CYP2C8: variants seen among roughly 807,000 people sequenced by gnomAD.
The protein encoded by CYP2C8 is cytochrome P450 family 2 subfamily C member 8.
CYP2C8 carries 51 observed loss-of-function variants against 41.3 expected under a neutral mutation model. That is an observed-to-expected ratio of 1.24 (90% CI 0.99 to 1.56). The LOEUF is 1.56. CYP2C8 is among the 40% of genes most tolerant of loss of function. The pLI is 0.00. For synonymous variants in CYP2C8, 218 were observed against 205.8 expected (o/e 1.06, Z -0.51); for missense variants, 651 against 579.9 (o/e 1.12, Z -1.26).
At chr10:95,064,652 G>A in intron 4 of CYP2C8, 148 bp downstream of exon 4, 2 of 791,668 alleles carry the variant, frequency 2.5e-6, no homozygotes, top group Non-Finnish European at 2.0e-6. Flanking sequence ...TTTTGAACAG[G>A]AAATCAAAGG....
intron 4 of CYP2C8, 84 bp from the exon 5 acceptor site, chr10:95,058,595 A>G: frequency 8.2e-7 from 1 of 1,226,906 alleles, no homozygotes; most frequent in Non-Finnish European, 1.2e-6. Flanking sequence ...TTATAACTAT[A>G]AATATGAATA....
At chr10:95,057,472 G>A (rs1484397099) in intron 5 of CYP2C8, among the ~76,000 whole-genome samples, 2 of 151,884 alleles carry the variant, frequency 1.3e-5, no homozygotes, top group African/African-American at 4.8e-5. Flanking sequence ...TTAAATTTTT[G>A]TTGCGACTGA....
intron 8 of CYP2C8, 30 bp downstream of exon 8, chr10:95,038,867 T>C (rs765472309): frequency 6.2e-7 from 1 of 1,611,980 alleles, no homozygotes; most frequent in Non-Finnish European, 8.5e-7. Context: ...CTCTTTCCTT[T>C]AAATACAAAT....
intron 4 of CYP2C8, among the ~76,000 whole-genome samples, chr10:95,062,692 G>C (rs1334176039): frequency 6.6e-6 from 1 of 152,140 alleles, no homozygotes. Context: ...TATGATGTTA[G>C]CTGGTTATTT....
At chr10:95,062,817 C>A (rs1289619492) in intron 4 of CYP2C8, among the ~76,000 whole-genome samples, 1 of 152,108 alleles carries the variant, frequency 6.6e-6, no homozygotes, top group South Asian at 2.1e-4. Context: ...TTCAGGAGCT[C>A]TTTTAGGGCA....
intron 1 of CYP2C8, 23 bp downstream of exon 1, chr10:95,069,212 G>A (rs763891380): frequency 7.4e-6 from 12 of 1,613,608 alleles, no homozygotes; most frequent in Admixed American, 1.7e-5. Flanking sequence ...GCAATTGGCT[G>A]GAGGAACATA....
Position 95,056,257 on chromosome 10 carries a change from T to C in CYP2C8, c.819+2078A>G, listed in dbSNP as rs561538451. 2.6e-5 allele frequency among the ~76,000 whole-genome samples: 4 copies of C among 152,130 alleles called. No individual in the cohort carries two copies. The South Asian group carries it at 8.3e-4, about 32-fold the overall frequency. On this transcript the variant is annotated intron_variant, in intron 5 of 8. Coordinates refer to ENST00000371270, the MANE Select transcript of CYP2C8 (RefSeq NM_000770.3). The stretch of plus-strand genomic sequence containing the variant: ...CACAAAAAACAGAAAATTACAAATA[T>C]TGGCTATAATATGGAAAAGAGGAAC...
In CYP2C8 at chr10:95,069,322, C is replaced by T; in HGVS notation, c.81G>A (p.Arg27=). 6.2e-7 allele frequency: 1 copy of T among 1,614,072 alleles called. No individual in the cohort carries two copies. Among genetic ancestry groups the T allele is most frequent in the Non-Finnish European group, 8.5e-7 (1 of 1,179,988 alleles). ...FSLWRQSCRR[R]KLPPGPTPLP... The stretch of plus-strand genomic sequence containing the variant: ...GAGGAGTGGGGCCAGGAGGGAGCTT[C>T]CTTCTCCTACAGCTCTGTCTCCAGA... The change falls in exon 1 of 9, where the codon AGG becomes AGA. Residue 27 remains arginine (R), a synonymous_variant. Transcript: ENST00000371270.
At position 95,064,900 on chromosome 10, in the gene CYP2C8, A is replaced by T. The variant is rs757865823; in HGVS notation, c.542T>A (p.Val181Asp). Reference sequence around the variant, plus strand: ...ATAATCAAATCGTTTCTGGAAAACAACGGAGCAGATCACATTGCAGGGAGC... The same window carrying T: ...ATAATCAAATCGTTTCTGGAAAACATCGGAGCAGATCACATTGCAGGGAGC... ...GCAPCNVICS[V>D]VFQKRFDYKD... Residue 181 changes from valine to aspartate, a missense_variant, in exon 4 of 9, where the codon GTT becomes GAT. Transcript: ENST00000371270. The T allele has an allele frequency of 1.2e-6, 2 of 1,613,708 alleles. No homozygotes were observed. The highest frequency in any genetic ancestry group is 1.7e-6 in the Non-Finnish European group (2 of 1,180,010).
chr10:95,056,848 T>C (rs2033323894), intron 5 of CYP2C8, among the ~76,000 whole-genome samples: 1 of 152,044 alleles, frequency 6.6e-6, no homozygotes, highest in Non-Finnish European at 1.5e-5. Flanking sequence ...CGAGTCCCAA[T>C]GTGGAGCTTA....
At chr10:95,064,488 T>A (rs2033516164) in intron 4 of CYP2C8, among the ~76,000 whole-genome samples, 1 of 152,140 alleles carries the variant, frequency 6.6e-6, no homozygotes, top group Non-Finnish European at 1.5e-5. Context: ...AAGCACAGTA[T>A]TAGGGTGGGA....
intron 7 of CYP2C8, 148 bp downstream of exon 7, chr10:95,042,742 C>A (rs1207074853): frequency 1.4e-6 from 1 of 725,356 alleles, no homozygotes; most frequent in Non-Finnish European, 2.5e-6. Flanking sequence ...TCTTTATAGC[C>A]CCAAACAAAA....
intron 4 of CYP2C8, among the ~76,000 whole-genome samples, chr10:95,062,378 C>T (rs2033455391): frequency 6.6e-6 from 1 of 152,010 alleles, no homozygotes; most frequent in South Asian, 2.1e-4. Context: ...TGAATTGATC[C>T]CTTTACCATT....
intron 3 of CYP2C8, 55 bp downstream of exon 3, chr10:95,067,153 C>T: frequency 6.2e-7 from 1 of 1,613,058 alleles, no homozygotes; most frequent in South Asian, 1.1e-5. Flanking sequence ...CCAAGGACGT[C>T]ACTAGTGAAG....
At chr10:95,040,166 T>C (rs1437968299) in intron 7 of CYP2C8, among the ~76,000 whole-genome samples, 2 of 152,206 alleles carry the variant, frequency 1.3e-5, no homozygotes, top group African/African-American at 2.4e-5. Context: ...ATTTGAACAA[T>C]AGCTACTGAG....
Position 95,065,083 on chromosome 10 carries a change from C to T in CYP2C8, c.482-123G>A, listed in dbSNP as rs140852574. The T allele has an allele frequency of 8.6e-4, 743 of 860,960 alleles. 3 individuals carry two copies. The African/African-American group carries it at 0.011, about 13-fold the overall frequency. 53.3% of individuals were successfully genotyped at this position (860,960 alleles called of 1,614,324 possible). A position where few individuals can be genotyped will look rare whatever the true frequency, so the allele number is the denominator to read the frequency against. ...ATATCTTACAAATTCCCCATGTGTC[C>T]AAAAAAAATCAGCATGGATGAAATA... is the stretch of plus-strand genomic sequence containing the variant. On this transcript the variant is annotated intron_variant, in intron 3 of 8. Coordinates refer to ENST00000371270, the MANE Select transcript of CYP2C8 (RefSeq NM_000770.3).
intron 4 of CYP2C8, among the ~76,000 whole-genome samples, chr10:95,064,099 C>G (rs909037077): frequency 6.6e-6 from 1 of 152,208 alleles, no homozygotes. Context: ...AGGAGACCGT[C>G]TGTCCATTCT....
At chr10:95,065,083 CA>C (rs908710088) in intron 3 of CYP2C8, 123 bp from the exon 4 acceptor site, 135 of 860,628 alleles carry the variant, frequency 1.6e-4, no homozygotes, top group African/African-American at 1.1e-3. Flanking sequence ...CCCATGTGTC[CA>C]AAAAAAATCA....
chr10:95,038,972 T>C lies in CYP2C8; in HGVS notation c.1216A>G (p.Ile406Val), dbSNP rs2032942416. ...HDDKEFPNPNIFDPGHFLDKN... is the reference protein window; with the variant it reads ...HDDKEFPNPNVFDPGHFLDKN... ...TCTAGAAAGTGGCCAGGGTCAAAGA[T>C]ATTTGGATTAGGAAATTCTTTGTCA... The change falls in exon 8 of 9, where the codon ATC (isoleucine) becomes GTC (valine). Residue 406 changes from isoleucine to valine, a missense_variant. Coordinates refer to ENST00000371270, the MANE Select transcript of CYP2C8 (RefSeq NM_000770.3). 1.9e-6 allele frequency: 3 copies of C among 1,613,392 alleles called. No individual in the cohort carries two copies. The highest frequency in any genetic ancestry group is 2.5e-6 in the Non-Finnish European group (3 of 1,179,410).
Sources: allele counts gnomAD v4.1 joint callset (sites outside exome capture counted in the v4.1 genomes callset), GRCh38; gene constraint gnomAD v4.1.1; transcripts MANE v1.5; gene names NCBI Gene and HGNC (gene_info 2026-07-23, HGNC 2026-07-21).